Variants in ZNF486 observed in about 807,000 individuals in gnomAD.
ZNF486 encodes the protein zinc finger protein 486.
ZNF486 carries 12 observed loss-of-function variants against 12.8 expected under a neutral mutation model. The observed-to-expected ratio is 0.94, with a 90% CI of 0.60 to 1.52. ZNF486 has a LOEUF of 1.52. Ranked by LOEUF, ZNF486 falls within the 40% of genes most tolerant of loss-of-function variation. ZNF486 has a pLI of 0.00. For synonymous variants in ZNF486, 231 were observed against 184.9 expected (o/e 1.25, Z -2.02); for missense variants, 738 against 545.0 (o/e 1.35, Z -3.53).
intron 3 of ZNF486, among the ~76,000 whole-genome samples, chr19:20,187,750 G>A (rs113111840): frequency 7.9e-5 from 12 of 151,990 alleles, no homozygotes; most frequent in South Asian, 2.1e-4. Flanking sequence ...TGATCCATCC[G>A]CCTCGGCCTC....
rs2089992411 is a variant in ZNF486, at chr19:20,199,361, A to C, written c.*1259A>C. The C allele has an allele frequency of 6.6e-6, 1 of 152,186 alleles. No individual in the cohort carries two copies. Among genetic ancestry groups the C allele is most frequent in the Non-Finnish European group, 1.5e-5 (1 of 68,036 alleles). 9.4% of individuals were successfully genotyped at this position (152,186 alleles called of 1,614,324 possible). The stretch of plus-strand genomic sequence containing the variant: ...GAAGGAAACCCTAAAGCGGTTGCCA[A>C]ACTTTGTGCAACATCAGGGAATGTA... On this transcript the variant is annotated 3_prime_UTR_variant, in exon 4 of 4. Coordinates refer to ENST00000335117, the MANE Select transcript of ZNF486 (RefSeq NM_052852.4).
chr19:20,197,898 T>C lies in ZNF486; in HGVS notation c.1188T>C (p.His396=). Reference sequence around the variant, plus strand: ...CATGGTCTGCAGGCCTCCATAAACATAGGAGAACTCATACTGGAGAGAAAC... The same window carrying C: ...CATGGTCTGCAGGCCTCCATAAACACAGGAGAACTCATACTGGAGAGAAAC... ...AFTWSAGLHK[H]RRTHTGEKPY... Residue 396 remains histidine (H), a synonymous_variant, in exon 4 of 4, where the codon CAT becomes CAC. Transcript: ENST00000335117. The C allele has an allele frequency of 6.2e-7, 1 of 1,613,370 alleles. No individual in the cohort carries two copies. The highest frequency in any genetic ancestry group is 1.1e-5 in the South Asian group (1 of 91,028).
Position 20,197,134 on chromosome 19 carries a change from C to T in ZNF486, c.424C>T (p.Leu142Phe), listed in dbSNP as rs184664289. Residue 142 changes from leucine (L) to phenylalanine (F), a missense_variant, in exon 4 of 4, where the codon CTT becomes TTT. Coordinates refer to ENST00000335117, the MANE Select transcript of ZNF486 (RefSeq NM_052852.4). ...GTTACACAAAAGAGGTTATAATGGA[C>T]TTAACCAATGTTTGACAACTACCCA... ...CKLHKRGYNG[L>F]NQCLTTTQSK... 3 of 1,613,826 alleles carry T rather than the reference C, an allele frequency of 1.9e-6. No individual in the cohort carries two copies. Among genetic ancestry groups the T allele is most frequent in the Non-Finnish European group, 2.5e-6 (3 of 1,179,956 alleles).
At position 20,196,661 on chromosome 19, in the gene ZNF486, C is replaced by T. The variant is rs112385684; in HGVS notation, c.254-303C>T. 6.6e-3 allele frequency among the ~76,000 whole-genome samples: 988 copies of T among 150,708 alleles called. 11 individuals carry two copies. Among genetic ancestry groups the T allele is most frequent in the African/African-American group, 0.022 (909 of 41,070 alleles). On this transcript the variant is annotated intron_variant, in intron 3 of 3. Coordinates refer to ENST00000335117, the MANE Select transcript of ZNF486 (RefSeq NM_052852.4). ...TTACTTTTAAAGGCACAATGTTATA[C>T]TGGAGAGCAGGAAGAGCTGTTGCAT...
intron 1 of ZNF486, among the ~76,000 whole-genome samples, chr19:20,183,094 C>T (rs1256894519): frequency 1.3e-5 from 2 of 152,140 alleles, no homozygotes; most frequent in Admixed American, 6.5e-5. Flanking sequence ...ATATTTCTTT[C>T]CTATATCCCA....
chr19:20,196,902 T>C (rs2089963444), intron 3 of ZNF486, 62 bp from the exon 4 acceptor site: 1 of 1,491,468 alleles, frequency 6.7e-7, no homozygotes, highest in Admixed American at 2.4e-5. Flanking sequence ...TAGGTTAGAT[T>C]TGTAAAGTAT....
rs113493829 is a variant in ZNF486 at position 20,197,492 on chromosome 19, G to C, written c.782G>C (p.Ser261Thr). The C allele has an allele frequency of 0.045, 72,084 of 1,611,264 alleles. 2,511 individuals carry two copies. The highest frequency in any genetic ancestry group is 0.18 in the African/African-American group (13,529 of 74,644). ...TTTACTACACATAAGAAAATTCATA[G>C]TGGAGAGAAACCCTACATTTGTGAA... Reference protein sequence around the residue: ...SSFTTHKKIHSGEKPYICEEC... With the variant: ...SSFTTHKKIHTGEKPYICEEC... The change falls in exon 4 of 4, where the codon AGT (serine) becomes ACT (threonine). Residue 261 changes from serine (S) to threonine (T), a missense_variant. By Grantham distance (58) the Ser-to-Thr change is moderately conservative. Coordinates refer to ENST00000335117, the MANE Select transcript of ZNF486 (RefSeq NM_052852.4).
At chr19:20,193,890 A>G (rs1395621936) in intron 3 of ZNF486, among the ~76,000 whole-genome samples, 1 of 151,942 alleles carries the variant, frequency 6.6e-6, no homozygotes, top group East Asian at 1.9e-4. Flanking sequence ...TCTTAGTGGT[A>G]ACATGGGGGA....
chr19:20,172,221 A>G (rs1314768669), intron 1 of ZNF486, among the ~76,000 whole-genome samples: 1 of 151,770 alleles, frequency 6.6e-6, no homozygotes, highest in African/African-American at 2.4e-5. Flanking sequence ...CAGGCTGATC[A>G]TAAAGTTCCA....
In ZNF486 at chr19:20,184,443, G is replaced by C. The variant is rs781851011; in HGVS notation, c.118G>C (p.Asp40His). 6.8e-6 allele frequency: 11 copies of C among 1,613,336 alleles called. No individual in the cohort carries two copies. Among genetic ancestry groups the C allele is most frequent in the Middle Eastern group, 3.3e-4 (2 of 6,074 alleles). Reference sequence around the variant, plus strand: ...CACTGCACAGCAGAATTTATATAGGGATGTGATGTTAGAGAACTACAGACA... The same window carrying C: ...CACTGCACAGCAGAATTTATATAGGCATGTGATGTTAGAGAACTACAGACA... The part of the protein sequence containing the change: ...LDTAQQNLYR[D>H]VMLENYRHLV... The change falls in exon 2 of 4, where the codon GAT (aspartate) becomes CAT (histidine). Residue 40 changes from aspartate (D) to histidine (H), a missense_variant. Physicochemically the swap from Asp to His is moderately conservative, Grantham distance 81 (BLOSUM62 -1). Coordinates refer to ENST00000335117, the MANE Select transcript of ZNF486 (RefSeq NM_052852.4).
chr19:20,196,111 A>T (rs2089955986), intron 3 of ZNF486, among the ~76,000 whole-genome samples: 1 of 152,134 alleles, frequency 6.6e-6, no homozygotes. Flanking sequence ...CTCTGCCTCC[A>T]CAGTTGAAGC....
At chr19:20,183,949 A>AT (rs1335255784) in intron 1 of ZNF486, among the ~76,000 whole-genome samples, 7 of 152,044 alleles carry the variant, frequency 4.6e-5, no homozygotes, top group Admixed American at 1.3e-4. Flanking sequence ...TTTGGAAAAA[A>AT]AAATCCTGCA....
At chr19:20,175,078 G>A (rs557958294) in intron 1 of ZNF486, 132 of 152,326 alleles carry the variant, frequency 8.7e-4, no homozygotes, top group African/African-American at 3.0e-3. Context: ...ATGGCTAGGA[G>A]ATGACAGAAC....
intron 1 of ZNF486, among the ~76,000 whole-genome samples, chr19:20,170,882 G>A (rs543168891): frequency 2.6e-5 from 4 of 151,972 alleles, no homozygotes; most frequent in Non-Finnish European, 5.9e-5. Context: ...ATATTAAACC[G>A]GTAAACATAA....
chr19:20,182,445 A>G (rs1478825693), intron 1 of ZNF486, among the ~76,000 whole-genome samples: 1 of 152,148 alleles, frequency 6.6e-6, no homozygotes, highest in Non-Finnish European at 1.5e-5. Flanking sequence ...TTTGTTCTGC[A>G]TGGAAGCACT....
chr19:20,177,491 C>A (rs1307157060), intron 1 of ZNF486, among the ~76,000 whole-genome samples: 1 of 152,224 alleles, frequency 6.6e-6, no homozygotes, highest in African/African-American at 2.4e-5. Context: ...TACTTATGGA[C>A]TAATTATGTT....
At chr19:20,181,809 CAG>C (rs1255369761) in intron 1 of ZNF486, among the ~76,000 whole-genome samples, 13 of 152,100 alleles carry the variant, frequency 8.5e-5, no homozygotes, top group Non-Finnish European at 1.8e-4. Flanking sequence ...GACAGAGAAA[CAG>C]AAGAAGAAAT....
At chr19:20,175,509 T>G (rs1410630334) in intron 1 of ZNF486, among the ~76,000 whole-genome samples, 8 of 151,050 alleles carry the variant, frequency 5.3e-5, no homozygotes, top group Admixed American at 4.6e-4. Flanking sequence ...CCTGGGTACT[T>G]GAGATTAGGG....
intron 1 of ZNF486, among the ~76,000 whole-genome samples, chr19:20,171,384 C>G (rs1221692887): frequency 1.3e-5 from 2 of 152,230 alleles, no homozygotes. Context: ...AACACACACA[C>G]TAGACATTAA....
Sources: allele counts gnomAD v4.1 joint callset (sites outside exome capture counted in the v4.1 genomes callset), GRCh38; gene constraint gnomAD v4.1.1; transcripts MANE v1.5; gene names NCBI Gene and HGNC (gene_info 2026-07-23, HGNC 2026-07-21).